Variants in ARHGAP22 observed in about 807,000 individuals in gnomAD.
The protein encoded by ARHGAP22 is Rho GTPase activating protein 22, also known as rho GTPase-activating protein 22.
A neutral mutation model predicts 59.1 loss-of-function variants in ARHGAP22; 48 were observed. That is an observed-to-expected ratio of 0.81 (90% CI 0.64 to 1.03). ARHGAP22 has a LOEUF of 1.03. Among genes scored for constraint, ARHGAP22 ranks in the 50% least tolerant of loss-of-function variants. ARHGAP22 has a pLI of 0.00. For missense variants in ARHGAP22, 1,015 were observed against 958.7 expected, an observed-to-expected ratio of 1.06 and a Z score of -0.78; for synonymous variants, 445 against 416.4, an observed-to-expected ratio of 1.07 and a Z score of -0.84.
intron 3 of ARHGAP22, among the ~76,000 whole-genome samples, chr10:48,494,566 C>T (rs2050734163): frequency 6.6e-6 from 1 of 152,190 alleles, no homozygotes; most frequent in Non-Finnish European, 1.5e-5. Flanking sequence ...TGTTCATCTG[C>T]CCATCTATCC....
rs571794204 is a variant in ARHGAP22 at position 48,648,936 on chromosome 10, TGAAA to T, written c.52+3294_52+3297del. ...GTGACAGTGCTGATTGGATTTAGGT[TGAAA>T]GAGTCTTGCTCTGTGCAGTATGGAG... On this transcript the variant is annotated intron_variant, in intron 1 of 9. Transcript: ENST00000435790. 1.4e-3 allele frequency among the ~76,000 whole-genome samples: 209 copies of T among 152,208 alleles called. 1 individual carries two copies. Among genetic ancestry groups the T allele is most frequent in the African/African-American group, 4.9e-3 (205 of 41,528 alleles).
At chr10:48,622,668 C>A (rs77251846) in intron 1 of ARHGAP22, among the ~76,000 whole-genome samples, 1,927 of 152,280 alleles carry the variant, frequency 0.013, 44 homozygotes, top group African/African-American at 0.044. Context: ...ATCAGACTAG[C>A]CACTTTATCT....
At chr10:48,491,265 TG>T (rs1289726889) in intron 3 of ARHGAP22, among the ~76,000 whole-genome samples, 1 of 152,236 alleles carries the variant, frequency 6.6e-6, no homozygotes, top group African/African-American at 2.4e-5. Flanking sequence ...ACACCCGGCA[TG>T]CTCCTGCTTC....
At chr10:48,562,036 C>T (rs1564886695) in intron 2 of ARHGAP22, among the ~76,000 whole-genome samples, 1 of 152,110 alleles carries the variant, frequency 6.6e-6, no homozygotes, top group Non-Finnish European at 1.5e-5. Flanking sequence ...ACCAGCTTGA[C>T]CAATATGGTG....
At chr10:48,442,692 C>T (rs1453144988), downstream of ARHGAP22, among the ~76,000 whole-genome samples, 1 of 152,198 alleles carries the variant, frequency 6.6e-6, no homozygotes, top group East Asian at 1.9e-4. Context: ...CCTTTTACCA[C>T]AGACCCTGCC....
intron 4 of ARHGAP22, among the ~76,000 whole-genome samples, chr10:48,478,804 C>T (rs927264044): frequency 6.6e-5 from 10 of 152,164 alleles, no homozygotes; most frequent in African/African-American, 2.2e-4. Context: ...AAGGATACAC[C>T]TGCAGCTGGC....
rs1290579798 is a variant in ARHGAP22 at position 48,605,073 on chromosome 10, T to C, written c.-277A>G. The C allele has an allele frequency of 4.5e-6, 6 of 1,332,850 alleles. No individual in the cohort carries two copies. The highest frequency in any genetic ancestry group is 4.8e-6 in the Non-Finnish European group (5 of 1,037,050). 82.6% of individuals were successfully genotyped at this position (1,332,850 alleles called of 1,614,324 possible). On this transcript the variant is annotated 5_prime_UTR_variant, in exon 1 of 10. Transcript: ENST00000249601. Reference sequence around the variant, plus strand: ...TCAGTAATCACTGCTGATCAATCACTGGACCAGGGCGGGGCAGTCCCTCCG... The same window carrying C: ...TCAGTAATCACTGCTGATCAATCACCGGACCAGGGCGGGGCAGTCCCTCCG...
intron 4 of ARHGAP22, among the ~76,000 whole-genome samples, chr10:48,461,100 G>A (rs938032291): frequency 9.9e-5 from 15 of 152,158 alleles, no homozygotes; most frequent in African/African-American, 3.1e-4. Context: ...TAATGCTGCT[G>A]AACTGTGTGC....
chr10:48,606,851 C>A (rs763549840), upstream of ARHGAP22, among the ~76,000 whole-genome samples: 7 of 152,194 alleles, frequency 4.6e-5, no homozygotes, highest in African/African-American at 1.2e-4. Context: ...CCCTGTACTG[C>A]CCCTCTTGTA....
intron 3 of ARHGAP22, among the ~76,000 whole-genome samples, chr10:48,542,457 A>T (rs1049870102): frequency 2.0e-5 from 3 of 152,206 alleles, no homozygotes; most frequent in Non-Finnish European, 4.4e-5. Flanking sequence ...AGTGGAGCGT[A>T]TGCTGAGGGC....
At chr10:48,552,061 C>T (rs1342952300) in intron 3 of ARHGAP22, among the ~76,000 whole-genome samples, 1 of 152,272 alleles carries the variant, frequency 6.6e-6, no homozygotes, top group Non-Finnish European at 1.5e-5. Context: ...AATGTTTCCT[C>T]ATTTTTAATT....
upstream of ARHGAP22, among the ~76,000 whole-genome samples, chr10:48,654,100 A>G (rs2062663776): frequency 6.6e-6 from 1 of 152,204 alleles, no homozygotes. Context: ...AGTTAAAAAG[A>G]GGGGATTTAT....
At chr10:48,441,655 T>C (rs1372680441), downstream of ARHGAP22, among the ~76,000 whole-genome samples, 1 of 152,074 alleles carries the variant, frequency 6.6e-6, no homozygotes, top group Non-Finnish European at 1.5e-5. Flanking sequence ...GGTTTCACCA[T>C]GTTAGCCAGG....
Position 48,496,481 on chromosome 10 carries a change from G to A in ARHGAP22, c.323-16717C>T, listed in dbSNP as rs75261728. On this transcript the variant is annotated intron_variant, in intron 3 of 9. Coordinates refer to ENST00000249601, the MANE Select transcript of ARHGAP22 (RefSeq NM_021226.4). The stretch of plus-strand genomic sequence containing the variant: ...ACAGATAAAGAAACTGAGGCTCAGA[G>A]AGATGGACTTTGTTGCTCATAGTCA... 2.3e-3 allele frequency among the ~76,000 whole-genome samples: 351 copies of A among 152,304 alleles called. 2 individuals carry two copies. The highest frequency in any genetic ancestry group is 4.0e-3 in the Non-Finnish European group (273 of 68,040).
At chr10:48,615,657 C>T (rs2061051829) in intron 1 of ARHGAP22, among the ~76,000 whole-genome samples, 1 of 151,968 alleles carries the variant, frequency 6.6e-6, no homozygotes. Flanking sequence ...TAATGGAGCT[C>T]AGATATTGGA....
At chr10:48,624,407 T>A (rs1004384806) in intron 1 of ARHGAP22, 1 of 152,410 alleles carries the variant, frequency 6.6e-6, no homozygotes, top group Admixed American at 6.5e-5. Flanking sequence ...ATCACTGCAC[T>A]TTAGCCTGGG....
intron 3 of ARHGAP22, among the ~76,000 whole-genome samples, chr10:48,504,406 C>T (rs1564783270): frequency 6.6e-6 from 1 of 152,146 alleles, no homozygotes; most frequent in Admixed American, 6.5e-5. Context: ...ACAAGGGAGA[C>T]AAGGCCCCCG....
intron 1 of ARHGAP22, among the ~76,000 whole-genome samples, chr10:48,628,041 A>T (rs1330717652): frequency 6.6e-6 from 1 of 152,252 alleles, no homozygotes; most frequent in Non-Finnish European, 1.5e-5. Flanking sequence ...GGCAATGGCC[A>T]CAGCTGGCAT....
chr10:48,522,639 A>T (rs2053914458), intron 3 of ARHGAP22, among the ~76,000 whole-genome samples: 1 of 152,228 alleles, frequency 6.6e-6, no homozygotes, highest in Non-Finnish European at 1.5e-5. Context: ...GCATGCAGCA[A>T]GACCTTGCCC....
Sources: allele counts gnomAD v4.1 joint callset (sites outside exome capture counted in the v4.1 genomes callset), GRCh38; gene constraint gnomAD v4.1.1; transcripts MANE v1.5; gene names NCBI Gene and HGNC (gene_info 2026-07-23, HGNC 2026-07-21).